The following STARD13 variants were observed in gnomAD, a reference collection of about 807,000 sequenced individuals.
STARD13 encodes stAR-related lipid transfer protein 13.
Under a neutral mutation model 106.4 loss-of-function variants are expected in STARD13, and 62 were observed. The observed-to-expected ratio is 0.58, with a 90% CI of 0.48 to 0.72. STARD13 has a LOEUF of 0.72. Ranked by LOEUF, STARD13 falls within the 30% of genes least tolerant of loss-of-function variation. STARD13 has a pLI of 0.00. For synonymous variants in STARD13, 565 were observed against 553.0 expected, an observed-to-expected ratio of 1.02 and a Z score of -0.31; for missense variants, 1,387 against 1,424.0, an observed-to-expected ratio of 0.97 and a Z score of 0.42.
intron 3 of STARD13, among the ~76,000 whole-genome samples, chr13:33,156,339 G>T (rs1394439912): frequency 6.6e-6 from 1 of 152,032 alleles, no homozygotes; most frequent in African/African-American, 2.4e-5. Context: ...GTGTGTTCTT[G>T]CTTTTGCTCT....
At chr13:33,595,810 G>A in the STARD13 span, among the ~76,000 whole-genome samples, 1 of 152,162 alleles carries the variant, frequency 6.6e-6, no homozygotes, top group Non-Finnish European at 1.5e-5. Flanking sequence ...ATTTAATCAC[G>A]TATTAAAATA....
intron 1 of STARD13, among the ~76,000 whole-genome samples, chr13:33,246,328 T>C (rs1412758449): frequency 1.3e-5 from 2 of 152,328 alleles, no homozygotes; most frequent in Non-Finnish European, 2.9e-5. Context: ...GAACGTTACC[T>C]ATTCATTCAC....
chr13:33,351,269 G>A (rs558528323), upstream of STARD13, among the ~76,000 whole-genome samples: 1 of 152,294 alleles, frequency 6.6e-6, no homozygotes, highest in South Asian at 2.1e-4. Flanking sequence ...TACATACTTT[G>A]AGAAAGCATT....
the STARD13 span, among the ~76,000 whole-genome samples, chr13:33,440,767 ATTTTTTTTTT>A: frequency 8.3e-5 from 5 of 60,100 alleles, no homozygotes; most frequent in East Asian, 5.4e-4. Context: ...GAAAACAGCG[ATTTTTTTTTT>A]TTTTTTTTTT....
intron 1 of STARD13, among the ~76,000 whole-genome samples, chr13:33,217,926 G>A (rs1191681571): frequency 2.0e-5 from 3 of 152,044 alleles, no homozygotes; most frequent in Non-Finnish European, 4.4e-5. Flanking sequence ...GAAAGACAAG[G>A]GAAATGAACA....
the STARD13 span, among the ~76,000 whole-genome samples, chr13:33,543,566 T>C: frequency 3.9e-4 from 60 of 152,336 alleles, no homozygotes; most frequent in East Asian, 0.011. Context: ...TATCAAAATA[T>C]ATAATGAAAC....
chr13:33,478,803 C>G, the STARD13 span, among the ~76,000 whole-genome samples: 1 of 152,080 alleles, frequency 6.6e-6, no homozygotes, highest in Non-Finnish European at 1.5e-5. Context: ...GTAGTCCCAG[C>G]TATTCATGAG....
At chr13:33,309,324 C>T (rs938094691) in intron 1 of STARD13, among the ~76,000 whole-genome samples, 2 of 152,108 alleles carry the variant, frequency 1.3e-5, no homozygotes, top group Admixed American at 1.3e-4. Context: ...AGCAATATAT[C>T]CAGGGCCCAG....
the STARD13 span, among the ~76,000 whole-genome samples, chr13:33,488,897 T>C: frequency 6.6e-6 from 1 of 152,228 alleles, no homozygotes; most frequent in South Asian, 2.1e-4. Flanking sequence ...TTTCTTTACC[T>C]GAATTTCAGA....
At chr13:33,575,653 G>A in the STARD13 span, among the ~76,000 whole-genome samples, 1 of 152,220 alleles carries the variant, frequency 6.6e-6, no homozygotes, top group South Asian at 2.1e-4. Context: ...GAGTTTCCTT[G>A]AGAGTGAGTT....
the STARD13 span, among the ~76,000 whole-genome samples, chr13:33,590,708 G>T: frequency 8.7e-6 from 1 of 114,846 alleles, no homozygotes; most frequent in Non-Finnish European, 1.8e-5. Flanking sequence ...ATGGGGTGGG[G>T]GGAGGGGGGA....
chr13:33,579,089 A>G, the STARD13 span, among the ~76,000 whole-genome samples: 2 of 152,204 alleles, frequency 1.3e-5, no homozygotes, highest in African/African-American at 4.8e-5. Context: ...GGAAAATAGT[A>G]TGGAGATTTC....
chr13:33,163,432 A>T (rs761453606), intron 3 of STARD13, among the ~76,000 whole-genome samples: 43 of 151,494 alleles, frequency 2.8e-4, no homozygotes, highest in Non-Finnish European at 4.4e-4. Flanking sequence ...TCTGCTAAAA[A>T]TACCAAAATT....
the STARD13 span, among the ~76,000 whole-genome samples, chr13:33,640,645 C>T: frequency 9.9e-5 from 15 of 152,258 alleles, no homozygotes; most frequent in African/African-American, 3.1e-4. Context: ...GACAGGAGAT[C>T]CTTCAGTTCC....
chr13:33,672,713 A>T, the STARD13 span, among the ~76,000 whole-genome samples: 2 of 152,238 alleles, frequency 1.3e-5, no homozygotes, highest in Non-Finnish European at 2.9e-5. Flanking sequence ...AAGCTGTCCC[A>T]TGTTTGATCA....
At position 33,105,670 on chromosome 13, in the gene STARD13, G is replaced by A; in HGVS notation, c.3265C>T (p.Leu1089=). ...ATCCTGGCAACTTCTGCTGCACACA[G>A]ATGTCCAAAGCCTTTGCTGTACCAT... ...PEWYSKGFGH[L]CAAEVARIRN... is the part of the protein sequence containing the mutation. The change falls in exon 14 of 14, where the codon CTG becomes TTG. Residue 1089 remains leucine (L), a synonymous_variant. Transcript: ENST00000336934. The A allele has an allele frequency of 6.2e-7, 1 of 1,614,248 alleles. No individual in the cohort carries two copies. Among genetic ancestry groups the A allele is most frequent in the Non-Finnish European group, 8.5e-7 (1 of 1,180,024 alleles).
At chr13:33,609,232 C>A in the STARD13 span, among the ~76,000 whole-genome samples, 1 of 151,096 alleles carries the variant, frequency 6.6e-6, no homozygotes, top group African/African-American at 2.4e-5. Context: ...ATATAAATTG[C>A]AAATTTATTT....
chr13:33,563,440 C>T, the STARD13 span, among the ~76,000 whole-genome samples: 1 of 147,144 alleles, frequency 6.8e-6, no homozygotes, highest in African/African-American at 2.5e-5. Flanking sequence ...TTAGAGCCAA[C>T]TCATTTTCAA....
At chr13:33,659,658 T>C in the STARD13 span, 3 of 152,180 alleles carry the variant, frequency 2.0e-5, no homozygotes, top group Non-Finnish European at 4.4e-5. Flanking sequence ...GCTACAGAAA[T>C]GCTTGCTCGC....
Sources: gnomAD v4.1 joint callset for allele counts (sites outside exome capture counted in the v4.1 genomes callset) on GRCh38, gnomAD v4.1.1 for gene constraint, MANE v1.5 for transcripts, NCBI Gene and HGNC (gene_info 2026-07-23, HGNC 2026-07-21) for gene names.